The following OR51B5 variants were observed in gnomAD, a reference collection of about 807,000 sequenced individuals.
OR51B5 encodes the protein olfactory receptor 51B5.
For synonymous variants in OR51B5, 186 were observed against 144.8 expected (o/e 1.28, Z -2.04); for missense variants, 456 against 374.6 (o/e 1.22, Z -1.79).
chr11:5,505,116 T>C (rs1289807304), intron 1 of OR51B5, among the ~76,000 whole-genome samples: 4 of 152,210 alleles, frequency 2.6e-5, no homozygotes, highest in Admixed American at 2.6e-4. Flanking sequence ...TAGGTGTTTT[T>C]TTGTTTTGTT....
At chr11:5,422,736 C>T in intron 1 of OR51B5, 1 of 1,614,050 alleles carries the variant, frequency 6.2e-7, no homozygotes, top group South Asian at 1.1e-5. Flanking sequence ...CTCTCTCGCT[C>T]CTATTGCCTC....
chr11:5,460,836 C>G (rs1851038988), intron 1 of OR51B5, among the ~76,000 whole-genome samples: 1 of 152,190 alleles, frequency 6.6e-6, no homozygotes, highest in Non-Finnish European at 1.5e-5. Flanking sequence ...TAGATGCTTT[C>G]AAAGGGCCAA....
At chr11:5,464,377 C>T (rs926947620) in intron 1 of OR51B5, among the ~76,000 whole-genome samples, 12 of 151,978 alleles carry the variant, frequency 7.9e-5, no homozygotes, top group South Asian at 2.1e-4. Context: ...CATGCTGGTG[C>T]GCTGCACCCA....
At chr11:5,361,305 T>G (rs2133697892) in intron 1 of OR51B5, among the ~76,000 whole-genome samples, 1 of 152,280 alleles carries the variant, frequency 6.6e-6, no homozygotes, top group East Asian at 1.9e-4. Flanking sequence ...TCCAAAGTTC[T>G]AAATCCCTCA....
Position 5,376,547 on chromosome 11 carries a change from A to G in OR51B5, n.85-29637T>C, listed in dbSNP as rs1333979442. Among the ~76,000 whole-genome samples the G allele has an allele frequency of 1.4e-4, 22 of 152,174 alleles. 1 individual carries two copies. The highest frequency in any genetic ancestry group is 3.2e-3 in the Middle Eastern group (1 of 316). ...GAGCTGGTTTTTTGAAAGGATCAAC[A>G]AAACTGATAGACCGCTAGCAAGACT... is the stretch of plus-strand genomic sequence containing the variant. On this transcript the variant is annotated intron_variant and non_coding_transcript_variant, in intron 1 of 4. Coordinates refer to the OR51B5 transcript ENST00000415970.
chr11:5,481,467 C>G (rs1481938274), intron 1 of OR51B5, among the ~76,000 whole-genome samples: 10 of 124,254 alleles, frequency 8.0e-5, no homozygotes, highest in African/African-American at 2.9e-4. Flanking sequence ...GATGCCCTCT[C>G]TCACCACTCC....
intron 1 of OR51B5, among the ~76,000 whole-genome samples, chr11:5,472,898 C>T (rs1485752559): frequency 6.6e-6 from 1 of 152,150 alleles, no homozygotes; most frequent in African/African-American, 2.4e-5. Flanking sequence ...TTAGAGTCAT[C>T]AAATAAGGTG....
At chr11:5,343,619 A>G (rs1332591688), upstream of OR51B5, 1 of 572,406 alleles carries the variant, frequency 1.7e-6, no homozygotes, top group Non-Finnish European at 3.1e-6. Flanking sequence ...TATCATTCTC[A>G]GAATTTTTTC....
chr11:5,420,345 C>A (rs535718245), intron 1 of OR51B5, among the ~76,000 whole-genome samples: 1 of 152,056 alleles, frequency 6.6e-6, no homozygotes, highest in East Asian at 1.9e-4. Flanking sequence ...TTTAAAACAC[C>A]AATTATACGA....
intron 1 of OR51B5, among the ~76,000 whole-genome samples, chr11:5,369,811 C>A (rs749362690): frequency 2.0e-5 from 3 of 152,140 alleles, no homozygotes; most frequent in Non-Finnish European, 4.4e-5. Context: ...AAAATCAGTG[C>A]TGCTTGTCTG....
rs1357903662 is a variant in OR51B5, at chr11:5,423,070, C to A, written n.85-76160G>T. On this transcript the variant is annotated intron_variant and non_coding_transcript_variant, in intron 1 of 4. Coordinates refer to the OR51B5 transcript ENST00000415970. ...ACCTGCTGGCACCCCCGGTGATGAACCCCATCATTTACAGTGTAAAGAACA... is the reference window on the plus strand; with the variant it reads ...ACCTGCTGGCACCCCCGGTGATGAAACCCATCATTTACAGTGTAAAGAACA... 8 of 1,614,078 alleles carry A rather than the reference C, an allele frequency of 5.0e-6. No homozygotes were observed. The East Asian group carries it at 1.8e-4, about 36-fold the overall frequency.
chr11:5,463,880 C>T (rs74907995), intron 1 of OR51B5, among the ~76,000 whole-genome samples: 1 of 152,188 alleles, frequency 6.6e-6, no homozygotes, highest in Non-Finnish European at 1.5e-5. Flanking sequence ...TAAATTCCTT[C>T]TCACAAAGCC....
At chr11:5,464,622 T>A (rs1851109859) in intron 1 of OR51B5, among the ~76,000 whole-genome samples, 1 of 152,018 alleles carries the variant, frequency 6.6e-6, no homozygotes, top group African/African-American at 2.4e-5. Flanking sequence ...GAACTCATCA[T>A]TTTTTATGGC....
At chr11:5,377,572 A>G (rs1849547053) in intron 1 of OR51B5, among the ~76,000 whole-genome samples, 1 of 152,120 alleles carries the variant, frequency 6.6e-6, no homozygotes, top group Admixed American at 6.6e-5. Flanking sequence ...CCCTTGTCTC[A>G]GCCCAAAATC....
chr11:5,427,577 G>T (rs907411081), intron 1 of OR51B5, among the ~76,000 whole-genome samples: 30 of 152,174 alleles, frequency 2.0e-4, no homozygotes, highest in African/African-American at 6.7e-4. Context: ...TTTTTGCTCT[G>T]TAAGCTAGGA....
intron 1 of OR51B5, among the ~76,000 whole-genome samples, chr11:5,388,082 A>C (rs1849728792): frequency 6.6e-6 from 1 of 152,158 alleles, no homozygotes. Context: ...TATTTATTGA[A>C]TCAATTAATG....
intron 1 of OR51B5, among the ~76,000 whole-genome samples, chr11:5,457,595 A>T (rs1354370869): frequency 1.3e-5 from 2 of 152,210 alleles, no homozygotes; most frequent in South Asian, 2.1e-4. Flanking sequence ...ACAGAGTATA[A>T]GTGTTCCATT....
chr11:5,351,925 A>G, intron 1 of OR51B5: 2 of 1,613,148 alleles, frequency 1.2e-6, no homozygotes, highest in Non-Finnish European at 8.5e-7. Flanking sequence ...CACCCAGGTA[A>G]TGAAGATTGG....
chr11:5,484,229 G>C (rs1564829134), intron 1 of OR51B5, among the ~76,000 whole-genome samples: 1 of 152,136 alleles, frequency 6.6e-6, no homozygotes, highest in Non-Finnish European at 1.5e-5. Context: ...CCCAGACACA[G>C]GATCCTGCAA....
Sources: allele counts gnomAD v4.1 joint callset (sites outside exome capture counted in the v4.1 genomes callset), GRCh38; gene constraint gnomAD v4.1.1; transcripts MANE v1.5; gene names NCBI Gene and HGNC (gene_info 2026-07-23, HGNC 2026-07-21).